Variants in TOGARAM1 observed in about 807,000 individuals in gnomAD.
The protein encoded by TOGARAM1 is TOG array regulator of axonemal microtubules 1.
TOGARAM1 carries 100 observed loss-of-function variants against 166.6 expected under a neutral mutation model. That is an observed-to-expected ratio of 0.60 (90% CI 0.51 to 0.71). TOGARAM1 has a LOEUF of 0.71. TOGARAM1 is among the 30% of genes least tolerant of loss of function. The probability of loss-of-function intolerance (pLI) is 0.00; values close to 1 mark genes in which losing one functional copy is unlikely to be tolerated. For synonymous variants in TOGARAM1, 758 were observed against 763.8 expected (o/e 0.99, Z 0.13); for missense variants, 2,029 against 2,102.7 (o/e 0.96, Z 0.69).
intron 1 of TOGARAM1, among the ~76,000 whole-genome samples, chr14:44,985,673 C>T (rs1886756138): frequency 3.3e-5 from 5 of 152,208 alleles, no homozygotes; most frequent in African/African-American, 1.2e-4. Context: ...AAGCTTTGCT[C>T]CCTTGCCCGC....
chr14:45,058,791 G>A (rs975994904), intron 16 of TOGARAM1, among the ~76,000 whole-genome samples: 1 of 152,070 alleles, frequency 6.6e-6, no homozygotes, highest in Admixed American at 6.6e-5. Context: ...ATTGTTAAGT[G>A]TTATCTCCCT....
At chr14:45,061,262 C>T (rs1041997208) in intron 16 of TOGARAM1, among the ~76,000 whole-genome samples, 2 of 152,232 alleles carry the variant, frequency 1.3e-5, no homozygotes, top group African/African-American at 2.4e-5. Context: ...GGAGCTCCCT[C>T]GGGTTGGCTG....
chr14:44,989,368 T>G (rs1887013713), intron 1 of TOGARAM1, among the ~76,000 whole-genome samples: 2 of 152,204 alleles, frequency 1.3e-5, no homozygotes, highest in African/African-American at 4.8e-5. Context: ...TTGCAGTTAT[T>G]CAATTATTTG....
At position 45,025,836 on chromosome 14, in the gene TOGARAM1, G is replaced by A. The variant is rs760924411; in HGVS notation, c.3292G>A (p.Ala1098Thr). 6.2e-7 allele frequency: 1 copy of A among 1,609,050 alleles called. No homozygotes were observed. Among genetic ancestry groups the A allele is most frequent in the Non-Finnish European group, 8.5e-7 (1 of 1,176,350 alleles). ...ISSFDFTTTK[A>T]LSEDSVVVVG... ...CAGTTTTGACTTCACAACCACAAAG[G>A]CTTTATCAGAAGACTCAGTAGTAGT... Residue 1098 changes from alanine (A) to threonine (T), a missense_variant, in exon 8 of 20, where the codon GCT (alanine) becomes ACT (threonine). Physicochemically the swap from Ala to Thr is moderately conservative, Grantham distance 58. Around this residue, in one of 2 missense-constraint regions of TOGARAM1, gnomAD observed 1,453 missense variants for 1,432.2 expected, o/e 1.01. Coordinates refer to ENST00000361462, the MANE Select transcript of TOGARAM1 (RefSeq NM_001308120.2).
chr14:45,010,426 A>G (rs993624462), intron 6 of TOGARAM1, among the ~76,000 whole-genome samples: 1 of 152,214 alleles, frequency 6.6e-6, no homozygotes, highest in African/African-American at 2.4e-5. Flanking sequence ...GACACAAAAT[A>G]TATTTTTAGC....
intron 1 of TOGARAM1, among the ~76,000 whole-genome samples, chr14:44,968,499 C>G (rs891655260): frequency 1.3e-5 from 2 of 152,210 alleles, no homozygotes; most frequent in African/African-American, 4.8e-5. Flanking sequence ...CTGCCCGCCT[C>G]GGCCTCCCAA....
intron 1 of TOGARAM1, among the ~76,000 whole-genome samples, chr14:44,985,347 T>G (rs1329653571): frequency 6.6e-6 from 1 of 152,180 alleles, no homozygotes; most frequent in South Asian, 2.1e-4. Context: ...AATAAGCATG[T>G]GTGTTAACAT....
chr14:44,974,023 T>G (rs569608686), intron 1 of TOGARAM1, among the ~76,000 whole-genome samples: 1 of 152,052 alleles, frequency 6.6e-6, no homozygotes, highest in Non-Finnish European at 1.5e-5. Flanking sequence ...CTGGTTTTTC[T>G]CTGAGTTTCC....
At chr14:44,975,796 A>T (rs545691786) in intron 1 of TOGARAM1, among the ~76,000 whole-genome samples, 24 of 148,812 alleles carry the variant, frequency 1.6e-4, no homozygotes, top group Admixed American at 4.0e-4. Context: ...TTTTTAATGA[A>T]GTGGGTTTGA....
intron 7 of TOGARAM1, among the ~76,000 whole-genome samples, chr14:45,021,889 G>A (rs929928911): frequency 3.9e-5 from 6 of 152,018 alleles, no homozygotes; most frequent in African/African-American, 9.7e-5. Flanking sequence ...GCCGTCTCTC[G>A]GTCAAGCACA....
intron 7 of TOGARAM1, among the ~76,000 whole-genome samples, chr14:45,014,280 C>T (rs998373201): frequency 2.6e-5 from 4 of 152,068 alleles, no homozygotes; most frequent in African/African-American, 9.7e-5. Context: ...CCACCCACCT[C>T]GGCCTCCCAA....
At chr14:45,043,838 G>T in intron 12 of TOGARAM1, 47 bp downstream of exon 12, 1 of 1,052,028 alleles carries the variant, frequency 9.5e-7, no homozygotes, top group Non-Finnish European at 1.5e-6. Context: ...AATAACAAAG[G>T]ATAAATATGC....
rs374195633 is a variant in TOGARAM1 at position 44,964,359 on chromosome 14, C to T, written c.1938C>T (p.Thr646=). 4 of 1,613,886 alleles carry T rather than the reference C, an allele frequency of 2.5e-6. No individual in the cohort carries two copies. Among genetic ancestry groups the T allele is most frequent in the African/African-American group, 2.7e-5 (2 of 74,856 alleles). Residue 646 remains threonine (T), a synonymous_variant, in exon 1 of 20, where the codon ACC becomes ACT. Transcript: ENST00000361462. ...GATCTTACAGCCCAACTATCTGTAC[C>T]CGAAGGGTATTAAGTGCAGGAAAAG... ...IYGSYSPTIC[T]RRVLSAGKGK... is the part of the protein sequence containing the mutation.
chr14:45,049,949 G>A (rs201720322), intron 14 of TOGARAM1, among the ~76,000 whole-genome samples: 4 of 151,990 alleles, frequency 2.6e-5, no homozygotes, highest in African/African-American at 9.7e-5. Flanking sequence ...CTTATTTAAA[G>A]TTATAAAATT....
intron 3 of TOGARAM1, 123 bp from the exon 4 acceptor site, chr14:45,003,938 C>T (rs1887813763): frequency 1.5e-6 from 1 of 673,454 alleles, no homozygotes; most frequent in Admixed American, 3.0e-5. Context: ...TTACCTCATA[C>T]CATACAAAAA....
Position 45,004,106 on chromosome 14 carries a change from G to A in TOGARAM1, c.2384G>A (p.Gly795Asp), listed in dbSNP as rs750846481. ...GGCAGTAAGACACAGCAAACATTTG[G>A]TAGTCAAACAGAGTGTACTTCCTCA... ...NFGSKTQQTF[G>D]SQTECTSSNG... is the part of the protein sequence containing the mutation. The change falls in exon 4 of 20, where the codon GGT becomes GAT. Residue 795 changes from glycine (G) to aspartate (D), a missense_variant. By Grantham distance (94) the Gly-to-Asp change is moderately conservative. Transcript: ENST00000361462. 1.5e-5 allele frequency: 24 copies of A among 1,613,898 alleles called. No homozygotes were observed. The highest frequency in any genetic ancestry group is 1.9e-5 in the Non-Finnish European group (23 of 1,179,998).
chr14:45,059,398 A>G (rs551441706), intron 16 of TOGARAM1, among the ~76,000 whole-genome samples: 1 of 152,348 alleles, frequency 6.6e-6, no homozygotes, highest in East Asian at 1.9e-4. Context: ...CTGTAATCCT[A>G]GCACTTTGGG....
At chr14:45,041,355 C>T (rs1287060024) in intron 11 of TOGARAM1, among the ~76,000 whole-genome samples, 1 of 152,148 alleles carries the variant, frequency 6.6e-6, no homozygotes, top group Non-Finnish European at 1.5e-5. Flanking sequence ...GAGCTGAGAT[C>T]ACGCCACTGC....
intron 11 of TOGARAM1, among the ~76,000 whole-genome samples, chr14:45,033,349 A>G (rs746418507): frequency 6.6e-6 from 1 of 152,088 alleles, no homozygotes; most frequent in Non-Finnish European, 1.5e-5. Context: ...CTTTCTGGCA[A>G]TCTTTTTCTG....
Sources: allele counts gnomAD v4.1 joint callset (sites outside exome capture counted in the v4.1 genomes callset), GRCh38; gene constraint gnomAD v4.1.1; regional missense constraint gnomAD v4.1.1; transcripts MANE v1.5; gene names NCBI Gene and HGNC (gene_info 2026-07-23, HGNC 2026-07-21).